Variants in CNTNAP2 observed in about 807,000 individuals in gnomAD.
The protein encoded by CNTNAP2 is contactin-associated protein-like 2.
A neutral mutation model predicts 155.2 loss-of-function variants in CNTNAP2; 98 were observed. The observed-to-expected ratio is 0.63, with a 90% CI of 0.54 to 0.75. CNTNAP2 has a LOEUF of 0.75. Among genes scored for constraint, CNTNAP2 ranks in the 30% least tolerant of loss-of-function variants. CNTNAP2 has a pLI of 0.00. For missense variants in CNTNAP2, 1,727 were observed against 1,688.1 expected (o/e 1.02, Z -0.40); for synonymous variants, 651 against 631.2 (o/e 1.03, Z -0.47).
intron 13 of CNTNAP2, among the ~76,000 whole-genome samples, chr7:147,886,787 T>C (rs1197297902): frequency 6.6e-6 from 1 of 152,162 alleles, no homozygotes; most frequent in East Asian, 1.9e-4. Flanking sequence ...TCACCCTCTA[T>C]AAAATTAAAC....
At chr7:146,989,528 A>ACAAG (rs907602589) in intron 3 of CNTNAP2, among the ~76,000 whole-genome samples, 38 of 126,104 alleles carry the variant, frequency 3.0e-4, no homozygotes, top group African/African-American at 1.3e-3. Context: ...CTCCTTTAAC[A>ACAAG]CAAACAAACA....
At chr7:146,770,881 C>G (rs1802282879) in intron 1 of CNTNAP2, among the ~76,000 whole-genome samples, 1 of 152,128 alleles carries the variant, frequency 6.6e-6, no homozygotes, top group African/African-American at 2.4e-5. Context: ...GCAACCATAT[C>G]TATCCATTGG....
chr7:148,298,149 T>A (rs1585252535), intron 21 of CNTNAP2, among the ~76,000 whole-genome samples: 1 of 152,190 alleles, frequency 6.6e-6, no homozygotes, highest in African/African-American at 2.4e-5. Flanking sequence ...GTGACCTTAA[T>A]CCTATAAAAA....
chr7:146,330,855 T>A (rs1801173403), intron 1 of CNTNAP2, among the ~76,000 whole-genome samples: 1 of 152,230 alleles, frequency 6.6e-6, no homozygotes, highest in African/African-American at 2.4e-5. Context: ...TCCGGGCCAG[T>A]ACAGGGACCT....
intron 1 of CNTNAP2, among the ~76,000 whole-genome samples, chr7:146,135,651 G>A (rs145378887): frequency 2.0e-5 from 3 of 152,146 alleles, no homozygotes; most frequent in African/African-American, 7.2e-5. Flanking sequence ...TGTTATTAAT[G>A]TTTCCTATTG....
intron 1 of CNTNAP2, among the ~76,000 whole-genome samples, chr7:146,447,975 C>A (rs1203928634): frequency 6.6e-6 from 1 of 151,772 alleles, no homozygotes; most frequent in South Asian, 2.1e-4. Flanking sequence ...ATATTGGCTT[C>A]CAAAATTGGA....
At chr7:147,146,599 C>T (rs1223618573) in intron 8 of CNTNAP2, 1 of 152,390 alleles carries the variant, frequency 6.6e-6, no homozygotes, top group African/African-American at 2.4e-5. Flanking sequence ...TGTTGCTGTT[C>T]TACTGTTTAA....
chr7:147,543,405 G>A (rs1365664359), intron 11 of CNTNAP2, among the ~76,000 whole-genome samples: 2 of 152,202 alleles, frequency 1.3e-5, no homozygotes, highest in Non-Finnish European at 1.5e-5. Context: ...ATGTTACAGT[G>A]CTGCAGAGAT....
chr7:147,396,168 A>T (rs1029031390), intron 10 of CNTNAP2, among the ~76,000 whole-genome samples: 3 of 75,386 alleles, frequency 4.0e-5, no homozygotes, highest in African/African-American at 8.2e-5. Flanking sequence ...GAGATATATC[A>T]TATATATATA....
chr7:148,174,794 G>T (rs1300338818), intron 18 of CNTNAP2, among the ~76,000 whole-genome samples: 1 of 152,072 alleles, frequency 6.6e-6, no homozygotes, highest in East Asian at 1.9e-4. Flanking sequence ...AGAACATGCA[G>T]GTTTGTTACA....
intron 16 of CNTNAP2, among the ~76,000 whole-genome samples, chr7:148,121,681 C>T (rs1004579143): frequency 5.9e-5 from 9 of 152,068 alleles, no homozygotes; most frequent in African/African-American, 2.2e-4. Flanking sequence ...ACATTGTGCC[C>T]TTCTGTCAAG....
chr7:147,523,735 T>C (rs1799269167), intron 11 of CNTNAP2, among the ~76,000 whole-genome samples: 1 of 152,186 alleles, frequency 6.6e-6, no homozygotes, highest in African/African-American at 2.4e-5. Flanking sequence ...CTCTTATTCC[T>C]CAACAGCCAG....
At chr7:146,746,058 T>C (rs955560886) in intron 1 of CNTNAP2, among the ~76,000 whole-genome samples, 7 of 152,212 alleles carry the variant, frequency 4.6e-5, no homozygotes, top group Non-Finnish European at 7.3e-5. Flanking sequence ...TGGGGTTCAA[T>C]AAAAGAGTGT....
At chr7:146,451,351 C>T (rs1796478447) in intron 1 of CNTNAP2, among the ~76,000 whole-genome samples, 1 of 152,110 alleles carries the variant, frequency 6.6e-6, no homozygotes, top group South Asian at 2.1e-4. Context: ...AGTATTCAGT[C>T]GATTTCCCTT....
chr7:148,219,312 T>C (rs1185146045), intron 19 of CNTNAP2, among the ~76,000 whole-genome samples: 1 of 152,160 alleles, frequency 6.6e-6, no homozygotes, highest in Non-Finnish European at 1.5e-5. Context: ...TCACTTCCCA[T>C]TGGAGCCGAA....
At position 147,830,424 on chromosome 7, in the gene CNTNAP2, C is replaced by G. The variant is rs141780559; in HGVS notation, c.2099-73141C>G. On this transcript the variant is annotated intron_variant, in intron 13 of 23. Transcript: ENST00000361727. ...CTGCATCTCATGACCTACTTCCCCC[C>G]CAAAAGGCCCCACTTCCTAACATCA... Among the ~76,000 whole-genome samples, 30 of 152,186 alleles carry G rather than the reference C, an allele frequency of 2.0e-4. No individual in the cohort carries two copies. The East Asian group carries it at 3.9e-3, about 20-fold the overall frequency.
intron 13 of CNTNAP2, among the ~76,000 whole-genome samples, chr7:147,872,248 C>A (rs754034744): frequency 6.6e-6 from 1 of 152,158 alleles, no homozygotes; most frequent in Non-Finnish European, 1.5e-5. Flanking sequence ...TGAGTGTTAA[C>A]ATATCAGATC....
intron 1 of CNTNAP2, among the ~76,000 whole-genome samples, chr7:146,173,157 G>A (rs887379706): frequency 6.6e-6 from 1 of 152,080 alleles, no homozygotes; most frequent in Non-Finnish European, 1.5e-5. Context: ...GGCATTTTTA[G>A]TGAATTACGT....
intron 12 of CNTNAP2, among the ~76,000 whole-genome samples, chr7:147,597,352 T>G (rs527527372): frequency 6.6e-6 from 1 of 152,272 alleles, no homozygotes; most frequent in South Asian, 2.1e-4. Flanking sequence ...CATCACTTAC[T>G]TTTTGATCTT....
Sources: gnomAD v4.1 joint callset for allele counts (sites outside exome capture counted in the v4.1 genomes callset) on GRCh38, gnomAD v4.1.1 for gene constraint, MANE v1.5 for transcripts, NCBI Gene and HGNC (gene_info 2026-07-23, HGNC 2026-07-21) for gene names.